Variants in NCKAP5 observed in about 807,000 individuals in gnomAD.
The protein encoded by NCKAP5 is nck-associated protein 5.
A neutral mutation model predicts 167.0 loss-of-function variants in NCKAP5; 92 were observed. That is an observed-to-expected ratio of 0.55 (90% CI 0.47 to 0.66). The LOEUF is 0.66. NCKAP5 is among the 30% of genes least tolerant of loss of function. The pLI is 0.00. For synonymous variants in NCKAP5, 891 were observed against 877.4 expected (o/e 1.02, Z -0.27); for missense variants, 2,378 against 2,315.0 (o/e 1.03, Z -0.56).
chr2:133,247,740 T>C (rs906437232), intron 4 of NCKAP5, among the ~76,000 whole-genome samples: 1 of 152,218 alleles, frequency 6.6e-6, no homozygotes, highest in Non-Finnish European at 1.5e-5. Context: ...CTCTCAAGTG[T>C]ACACTCACTT....
chr2:133,232,379 T>C (rs2087192738), intron 4 of NCKAP5, among the ~76,000 whole-genome samples: 1 of 152,106 alleles, frequency 6.6e-6, no homozygotes, highest in Non-Finnish European at 1.5e-5. Context: ...ATTTAAAAAA[T>C]ATATTTCTGC....
chr2:132,729,431 T>G lies in NCKAP5; in HGVS notation c.5444-479A>C, dbSNP rs1343904178. On this transcript the variant is annotated intron_variant, in intron 17 of 19. Transcript: ENST00000409261. ...AACCCCGATTTTCCTAAAATACGTA[T>G]TAAGGTTATTTTGAATAGTGTGGAT... is the stretch of plus-strand genomic sequence containing the variant. 2.0e-5 allele frequency among the ~76,000 whole-genome samples: 3 copies of G among 152,168 alleles called. No individual in the cohort carries two copies. In the East Asian group the frequency reaches 5.8e-4, roughly 29 times the overall value.
chr2:133,119,038 T>G (rs183262354), intron 6 of NCKAP5: 1 of 152,414 alleles, frequency 6.6e-6, no homozygotes, highest in Admixed American at 6.5e-5. Flanking sequence ...TTTCCCTCTG[T>G]TGCCCAGGCT....
intron 2 of NCKAP5, among the ~76,000 whole-genome samples, chr2:133,522,466 A>G (rs1558751717): frequency 1.3e-5 from 2 of 152,318 alleles, no homozygotes; most frequent in African/African-American, 2.4e-5. Context: ...TGTTATTGTC[A>G]GTCTTCTGAA....
chr2:133,401,528 G>A (rs567930253), intron 3 of NCKAP5, among the ~76,000 whole-genome samples: 161 of 152,244 alleles, frequency 1.1e-3, no homozygotes, highest in Non-Finnish European at 1.7e-3. Context: ...GTTACTGTCA[G>A]AATTGAGTGG....
rs537582120 is a variant in NCKAP5 at position 132,845,961 on chromosome 2, T to C, written c.807+14531A>G. ...CTTCCATTCTTTTCTTATTATGTTTTCCTGTTTCATTCATTTAGATCTTAC... is the reference window on the plus strand; with the variant it reads ...CTTCCATTCTTTTCTTATTATGTTTCCCTGTTTCATTCATTTAGATCTTAC... On this transcript the variant is annotated intron_variant, in intron 11 of 19. Coordinates refer to ENST00000409261, the MANE Select transcript of NCKAP5 (RefSeq NM_207363.3). 1.4e-4 allele frequency among the ~76,000 whole-genome samples: 21 copies of C among 152,302 alleles called. No individual in the cohort carries two copies. The South Asian group carries it at 4.4e-3, about 32-fold the overall frequency.
At chr2:133,323,267 T>C (rs1316762983) in intron 3 of NCKAP5, among the ~76,000 whole-genome samples, 1 of 152,146 alleles carries the variant, frequency 6.6e-6, no homozygotes, top group Non-Finnish European at 1.5e-5. Flanking sequence ...AATCAGGAAA[T>C]GCATGCAAAA....
intron 5 of NCKAP5, among the ~76,000 whole-genome samples, chr2:133,206,918 G>A (rs764985265): frequency 5.3e-5 from 8 of 152,042 alleles, no homozygotes; most frequent in South Asian, 2.1e-4. Context: ...CCTGCAGTAC[G>A]CTCACACTTA....
At chr2:133,625,867 T>G in the NCKAP5 span, among the ~76,000 whole-genome samples, 4 of 121,830 alleles carry the variant, frequency 3.3e-5, no homozygotes, top group Non-Finnish European at 6.8e-5. Flanking sequence ...GCGAGACTTG[T>G]CTCAAAAAAA....
intron 10 of NCKAP5, among the ~76,000 whole-genome samples, chr2:132,863,708 A>G (rs1390312575): frequency 1.3e-5 from 2 of 152,188 alleles, no homozygotes; most frequent in Non-Finnish European, 2.9e-5. Flanking sequence ...TGACAAACAG[A>G]AATGAGCTGC....
At chr2:133,614,320 A>G in the NCKAP5 span, among the ~76,000 whole-genome samples, 1 of 152,150 alleles carries the variant, frequency 6.6e-6, no homozygotes, top group Non-Finnish European at 1.5e-5. Flanking sequence ...ACAAGCTGAG[A>G]GAAGAAGGCT....
intron 8 of NCKAP5, among the ~76,000 whole-genome samples, chr2:132,898,870 G>A (rs889567081): frequency 6.6e-5 from 10 of 152,178 alleles, no homozygotes; most frequent in Non-Finnish European, 1.3e-4. Flanking sequence ...GGCAGAGTAT[G>A]TTTAGCATAA....
intron 3 of NCKAP5, among the ~76,000 whole-genome samples, chr2:133,474,154 A>ATCTATCTATCTATC (rs369130877): frequency 2.3e-4 from 31 of 135,284 alleles, no homozygotes; most frequent in African/African-American, 1.0e-3. Context: ...CTATCTATCT[A>ATCTATCTATCTATC]TACACACACA....
chr2:133,308,637 T>A (rs1444997633), intron 3 of NCKAP5, among the ~76,000 whole-genome samples: 1 of 149,056 alleles, frequency 6.7e-6, no homozygotes. Flanking sequence ...TTTCCAAAAC[T>A]ATAGAAATAA....
intron 4 of NCKAP5, among the ~76,000 whole-genome samples, chr2:133,227,874 T>C (rs2086965658): frequency 1.3e-5 from 2 of 152,176 alleles, no homozygotes; most frequent in African/African-American, 4.8e-5. Context: ...GAGGTATTTA[T>C]TGAATGCGGT....
At chr2:132,680,122 C>T (rs539506265) in intron 19 of NCKAP5, among the ~76,000 whole-genome samples, 1 of 152,212 alleles carries the variant, frequency 6.6e-6, no homozygotes, top group East Asian at 1.9e-4. Flanking sequence ...ACCCTGTTAA[C>T]CTGGTCAAAT....
At position 132,728,841 on chromosome 2, in the gene NCKAP5, C is replaced by T; in HGVS notation, c.5555G>A (p.Ser1852Asn). The T allele has an allele frequency of 4.3e-6, 7 of 1,613,926 alleles. No individual in the cohort carries two copies. The highest frequency in any genetic ancestry group is 5.9e-6 in the Non-Finnish European group (7 of 1,179,844). ...MASQPLPDWG[S>N]EVAATGTQDK... ...CTGGGTCCCGGTGGCAGCAACTTCACTCCCCCAGTCTGGAAGCGGCTGGCT... is the reference window on the plus strand; with the variant it reads ...CTGGGTCCCGGTGGCAGCAACTTCATTCCCCCAGTCTGGAAGCGGCTGGCT... The change falls in exon 18 of 20, where the codon AGT becomes AAT. Residue 1852 changes from serine to asparagine, a missense_variant. Transcript: ENST00000409261.
At chr2:132,854,767 G>C (rs1353312390) in intron 11 of NCKAP5, among the ~76,000 whole-genome samples, 1 of 152,196 alleles carries the variant, frequency 6.6e-6, no homozygotes, top group African/African-American at 2.4e-5. Flanking sequence ...CCTCAGCACT[G>C]ACATTACTTT....
At chr2:132,965,597 A>T (rs2076635728) in intron 7 of NCKAP5, among the ~76,000 whole-genome samples, 1 of 152,168 alleles carries the variant, frequency 6.6e-6, no homozygotes, top group Non-Finnish European at 1.5e-5. Flanking sequence ...GCACACATAC[A>T]TATATCCACA....
Sources: allele counts gnomAD v4.1 joint callset (sites outside exome capture counted in the v4.1 genomes callset), GRCh38; gene constraint gnomAD v4.1.1; transcripts MANE v1.5; gene names NCBI Gene and HGNC (gene_info 2026-07-23, HGNC 2026-07-21).